The following POLN variants were observed in gnomAD, a reference collection of about 807,000 sequenced individuals.
POLN encodes the protein DNA polymerase N.
A neutral mutation model predicts 113.5 loss-of-function variants in POLN; 108 were observed. That is an observed-to-expected ratio of 0.95 (90% confidence interval 0.81 to 1.12). The LOEUF (loss-of-function observed/expected upper bound fraction) is 1.12, where lower values mean the gene tolerates loss of function less well. Among genes scored for constraint, POLN ranks in the 50% most tolerant of loss-of-function variants. The pLI, the probability that POLN is intolerant of heterozygous loss-of-function variation, is 0.00. For synonymous variants in POLN, 386 were observed against 391.5 expected, an observed-to-expected ratio of 0.99 and a Z score of 0.17; for missense variants, 1,097 against 1,077.1, an observed-to-expected ratio of 1.02 and a Z score of -0.26.
chr4:2,091,560 C>T (rs1345177772), intron 20 of POLN, among the ~76,000 whole-genome samples: 3 of 152,164 alleles, frequency 2.0e-5, no homozygotes, highest in African/African-American at 7.2e-5. Flanking sequence ...ACTTCTCTGT[C>T]CCATGCTTCC....
At chr4:2,087,455 T>A (rs1028281659) in intron 20 of POLN, among the ~76,000 whole-genome samples, 2 of 152,192 alleles carry the variant, frequency 1.3e-5, no homozygotes, top group African/African-American at 4.8e-5. Flanking sequence ...TTTCTTTGAG[T>A]ATCTTCTTAG....
intron 7 of POLN, among the ~76,000 whole-genome samples, chr4:2,192,331 T>C (rs1733471532): frequency 6.6e-6 from 1 of 152,076 alleles, no homozygotes; most frequent in African/African-American, 2.4e-5. Context: ...ATATTTGTTT[T>C]ACCACTTAGC....
At chr4:2,205,733 C>T (rs1227880419) in intron 5 of POLN, among the ~76,000 whole-genome samples, 6 of 151,938 alleles carry the variant, frequency 3.9e-5, no homozygotes, top group African/African-American at 1.2e-4. Flanking sequence ...ATTAGCCGGG[C>T]GTGGTGGCAC....
At chr4:2,145,117 A>G (rs958044872) in intron 16 of POLN, among the ~76,000 whole-genome samples, 2 of 152,216 alleles carry the variant, frequency 1.3e-5, no homozygotes, top group Non-Finnish European at 2.9e-5. Context: ...CTTAGACCTA[A>G]ATAAAAACAA....
At chr4:2,165,901 C>T (rs976064530) in intron 13 of POLN, among the ~76,000 whole-genome samples, 31 of 152,040 alleles carry the variant, frequency 2.0e-4, no homozygotes, top group Non-Finnish European at 3.4e-4. Context: ...CTCAGCCTCA[C>T]GAATAGCTGG....
chr4:2,083,653 G>A (rs533615644), intron 21 of POLN, among the ~76,000 whole-genome samples: 1 of 152,212 alleles, frequency 6.6e-6, no homozygotes, highest in South Asian at 2.1e-4. Flanking sequence ...GGTGATGCTC[G>A]CATGGCACCA....
At chr4:2,121,233 G>C (rs756702404) in intron 19 of POLN, among the ~76,000 whole-genome samples, 2 of 152,028 alleles carry the variant, frequency 1.3e-5, no homozygotes, top group African/African-American at 4.8e-5. Context: ...TCAGGAGCTC[G>C]AGGCCAGGCT....
chr4:2,089,713 A>C, intron 20 of POLN: 2 of 675,110 alleles, frequency 3.0e-6, no homozygotes, highest in Non-Finnish European at 5.1e-6. Context: ...ATTACTTTGA[A>C]TATATGAAGA....
chr4:2,114,973 G>T (rs1731281156), intron 19 of POLN, among the ~76,000 whole-genome samples: 1 of 151,372 alleles, frequency 6.6e-6, no homozygotes, highest in South Asian at 2.1e-4. Context: ...CTTTCTATTG[G>T]CCTGTCTTCA....
chr4:2,161,305 C>T (rs1028315329), intron 13 of POLN, among the ~76,000 whole-genome samples: 2 of 152,304 alleles, frequency 1.3e-5, no homozygotes, highest in Non-Finnish European at 2.9e-5. Flanking sequence ...CTGCGCGGGG[C>T]GCTTGCAGGC....
intron 19 of POLN, among the ~76,000 whole-genome samples, chr4:2,106,083 CCTA>C (rs1236318707): frequency 6.6e-6 from 1 of 151,822 alleles, no homozygotes; most frequent in African/African-American, 2.4e-5. Flanking sequence ...TCTCTATGGG[CCTA>C]CTACATTTAT....
At chr4:2,238,791 G>A in intron 2 of POLN, 1 of 1,613,398 alleles carries the variant, frequency 6.2e-7, no homozygotes, top group Non-Finnish European at 8.5e-7. Context: ...TATGATAACT[G>A]TAGAAGTTCA....
rs1560957889 is a variant in POLN at position 2,072,034 on chromosome 4, CG to C, written c.*79del. On this transcript the variant is annotated 3_prime_UTR_variant, in exon 26 of 26. Transcript: ENST00000511885. ...CCCAAAGGGTTAATGCGTCCTGGGGCGTACAGAGCTGGTGACCTTGGGGAAG... is the reference window on the plus strand; with the variant it reads ...CCCAAAGGGTTAATGCGTCCTGGGGCTACAGAGCTGGTGACCTTGGGGAAG... 3.4e-6 allele frequency: 5 copies of C among 1,488,472 alleles called. No homozygotes were observed. The highest frequency in any genetic ancestry group is 4.7e-6 in the Non-Finnish European group (5 of 1,066,928). 92.2% of individuals were successfully genotyped at this position (1,488,472 alleles called of 1,614,324 possible).
At chr4:2,211,964 TC>T (rs2108765892) in intron 4 of POLN, among the ~76,000 whole-genome samples, 2 of 151,204 alleles carry the variant, frequency 1.3e-5, no homozygotes, top group South Asian at 4.2e-4. Flanking sequence ...AAGAGAAGAG[TC>T]CCTTCTCTGT....
intron 5 of POLN, among the ~76,000 whole-genome samples, chr4:2,202,138 A>C (rs957734762): frequency 6.6e-6 from 1 of 152,198 alleles, no homozygotes; most frequent in Non-Finnish European, 1.5e-5. Flanking sequence ...CAAAACAAAA[A>C]AAACAACGTA....
intron 19 of POLN, among the ~76,000 whole-genome samples, chr4:2,124,730 C>A (rs1379625519): frequency 6.6e-6 from 1 of 152,166 alleles, no homozygotes; most frequent in African/African-American, 2.4e-5. Flanking sequence ...AGGGATGCTG[C>A]ACACCCACAA....
chr4:2,189,220 CAT>C (rs1491285513), intron 7 of POLN, among the ~76,000 whole-genome samples: 1 of 151,888 alleles, frequency 6.6e-6, no homozygotes, highest in Non-Finnish European at 1.5e-5. Context: ...AATTAAAAGA[CAT>C]AGAATAGCTG....
chr4:2,131,623 AT>A (rs1464808595), intron 16 of POLN, among the ~76,000 whole-genome samples: 1 of 152,184 alleles, frequency 6.6e-6, no homozygotes, highest in African/African-American at 2.4e-5. Context: ...CTAATGGTAG[AT>A]TTATGTGAAA....
At chr4:2,220,572 A>C (rs909456965) in intron 3 of POLN, among the ~76,000 whole-genome samples, 20 of 152,162 alleles carry the variant, frequency 1.3e-4, no homozygotes, top group African/African-American at 4.8e-4. Flanking sequence ...GACCCTGCTA[A>C]ATTTGTCCCT....
Sources: gnomAD v4.1 joint callset for allele counts (sites outside exome capture counted in the v4.1 genomes callset) on GRCh38, gnomAD v4.1.1 for gene constraint, MANE v1.5 for transcripts, NCBI Gene and HGNC (gene_info 2026-07-23, HGNC 2026-07-21) for gene names.